The following DCDC1 variants were observed in gnomAD, a reference collection of about 807,000 sequenced individuals.
The protein encoded by DCDC1 is doublecortin domain containing 1.
DCDC1 carries 200 observed loss-of-function variants against 178.3 expected under a neutral mutation model. That is an observed-to-expected ratio of 1.12 (90% CI 1.00 to 1.26). DCDC1 has a LOEUF of 1.26. DCDC1 is among the 50% of genes most tolerant of loss of function. The pLI is 0.00. For synonymous variants in DCDC1, 690 were observed against 604.8 expected, an observed-to-expected ratio of 1.14 and a Z score of -2.07; for missense variants, 1,983 against 1,749.2, an observed-to-expected ratio of 1.13 and a Z score of -2.38.
chr11:31,087,565 G>T (rs1957554502), intron 17 of DCDC1, among the ~76,000 whole-genome samples: 1 of 151,836 alleles, frequency 6.6e-6, no homozygotes, highest in South Asian at 2.1e-4. Flanking sequence ...CAAAATACTT[G>T]CTAATTTCCA....
chr11:31,285,072 C>T (rs1946718588), intron 7 of DCDC1, among the ~76,000 whole-genome samples: 2 of 151,482 alleles, frequency 1.3e-5, no homozygotes, highest in South Asian at 2.1e-4. Flanking sequence ...TTTCTTTTTG[C>T]TTTTTTTAGA....
chr11:31,273,894 G>T (rs1190992515), intron 7 of DCDC1, among the ~76,000 whole-genome samples: 1 of 152,100 alleles, frequency 6.6e-6, no homozygotes, highest in East Asian at 1.9e-4. Context: ...ATGGCAGCAA[G>T]CAGAGAGAGA....
chr11:30,964,691 A>G (rs941911864), intron 20 of DCDC1, among the ~76,000 whole-genome samples: 6 of 152,182 alleles, frequency 3.9e-5, no homozygotes, highest in Non-Finnish European at 8.8e-5. Context: ...ATAGACCAAT[A>G]TAAGTCCAAT....
chr11:31,264,753 C>CACA (rs1185988292), intron 8 of DCDC1, among the ~76,000 whole-genome samples: 4 of 152,128 alleles, frequency 2.6e-5, no homozygotes, highest in African/African-American at 9.7e-5. Context: ...CCTACTCTGT[C>CACA]AATTCTGTGA....
intron 3 of DCDC1, among the ~76,000 whole-genome samples, chr11:31,321,376 G>C (rs1299850173): frequency 3.5e-5 from 5 of 141,872 alleles, no homozygotes; most frequent in African/African-American, 1.3e-4. Context: ...TTCTTAAGCC[G>C]GTCTGAAAAG....
At chr11:30,912,371 C>T (rs1031722109) in intron 27 of DCDC1, among the ~76,000 whole-genome samples, 1 of 152,040 alleles carries the variant, frequency 6.6e-6, no homozygotes, top group Non-Finnish European at 1.5e-5. Flanking sequence ...GCAACCTCTA[C>T]CTCTTGGGTT....
chr11:30,903,529 T>G lies in DCDC1; in HGVS notation c.4463A>C (p.Asp1488Ala), dbSNP rs143436020. ...LQRDSEKQKQ[D>A]AAPVGKEQII... is the part of the protein sequence containing the mutation. ...CTGTTCTTTTCCAACAGGAGCTGCA[T>G]CTTGCTTTTGTTTCTCAGAGTCTCT... is the stretch of plus-strand genomic sequence containing the variant. The change falls in exon 32 of 39, where the codon GAT becomes GCT. Residue 1488 changes from aspartate (D) to alanine (A), a missense_variant. Transcript: ENST00000684477. The G allele has an allele frequency of 1.6e-5, 26 of 1,606,018 alleles. No individual in the cohort carries two copies. The highest frequency in any genetic ancestry group is 2.2e-5 in the Non-Finnish European group (26 of 1,175,922).
At chr11:30,951,396 A>G (rs1948411279) in intron 21 of DCDC1, among the ~76,000 whole-genome samples, 1 of 152,156 alleles carries the variant, frequency 6.6e-6, no homozygotes, top group Admixed American at 6.6e-5. Flanking sequence ...ACATTTTCAG[A>G]TAAGTAAAAA....
intron 9 of DCDC1, among the ~76,000 whole-genome samples, chr11:31,226,649 G>C (rs1282389860): frequency 6.7e-6 from 1 of 149,342 alleles, no homozygotes; most frequent in African/African-American, 2.5e-5. Flanking sequence ...AAAATCTACT[G>C]ACTTATTCCA....
intron 1 of DCDC1, among the ~76,000 whole-genome samples, chr11:31,350,613 C>G (rs1353273859): frequency 2.0e-5 from 3 of 152,068 alleles, no homozygotes; most frequent in African/African-American, 7.2e-5. Context: ...ATACTGTCAA[C>G]ATAAACTGTG....
chr11:31,101,722 C>T (rs1334202195), intron 15 of DCDC1, among the ~76,000 whole-genome samples: 2 of 152,036 alleles, frequency 1.3e-5, no homozygotes, highest in Non-Finnish European at 1.5e-5. Flanking sequence ...ATAACACCTG[C>T]CCCAATATTT....
intron 17 of DCDC1, among the ~76,000 whole-genome samples, chr11:31,088,387 C>T (rs945412662): frequency 2.0e-5 from 3 of 151,744 alleles, no homozygotes; most frequent in African/African-American, 7.3e-5. Context: ...TTCCCCTTTT[C>T]CTCTTTGTCT....
intron 38 of DCDC1, among the ~76,000 whole-genome samples, chr11:30,871,931 T>TAC (rs745860031): frequency 1.8e-4 from 27 of 151,868 alleles, no homozygotes; most frequent in Non-Finnish European, 2.9e-4. Context: ...CATATATACA[T>TAC]ACACACACAC....
chr11:31,056,828 T>G (rs1186020590), intron 20 of DCDC1, among the ~76,000 whole-genome samples: 1 of 152,122 alleles, frequency 6.6e-6, no homozygotes, highest in Non-Finnish European at 1.5e-5. Flanking sequence ...TTAATCTAAT[T>G]GAAATATACA....
chr11:31,164,565 C>T (rs544516202), intron 9 of DCDC1, among the ~76,000 whole-genome samples: 5 of 149,864 alleles, frequency 3.3e-5, no homozygotes, highest in East Asian at 3.9e-4. Context: ...AAGTTTAAAA[C>T]GTAAAAAAAA....
chr11:31,101,686 C>T (rs1002154550), intron 15 of DCDC1, among the ~76,000 whole-genome samples: 1 of 152,102 alleles, frequency 6.6e-6, no homozygotes, highest in African/African-American at 2.4e-5. Context: ...TTTTGAAGTG[C>T]CTGGTTAATT....
chr11:31,055,643 T>A (rs1000064059), intron 20 of DCDC1, among the ~76,000 whole-genome samples: 7 of 152,208 alleles, frequency 4.6e-5, no homozygotes, highest in Admixed American at 4.6e-4. Flanking sequence ...AACTTTGGTT[T>A]ATTTATATGA....
intron 15 of DCDC1, among the ~76,000 whole-genome samples, chr11:31,100,531 G>C (rs1958438493): frequency 6.6e-6 from 1 of 152,212 alleles, no homozygotes. Flanking sequence ...CTTTATGGAA[G>C]AGTAAGTTGA....
At chr11:30,935,414 C>T (rs989222350) in intron 21 of DCDC1, among the ~76,000 whole-genome samples, 5 of 152,190 alleles carry the variant, frequency 3.3e-5, no homozygotes, top group African/African-American at 9.6e-5. Flanking sequence ...CTACCGTCTT[C>T]GTTACATTAA....
Sources: allele counts gnomAD v4.1 joint callset (sites outside exome capture counted in the v4.1 genomes callset), GRCh38; gene constraint gnomAD v4.1.1; transcripts MANE v1.5; gene names NCBI Gene and HGNC (gene_info 2026-07-23, HGNC 2026-07-21).